The following MECOM variants were observed in gnomAD, a reference collection of about 807,000 sequenced individuals.
MECOM encodes histone-lysine N-methyltransferase MECOM.
A neutral mutation model predicts 116.3 loss-of-function variants in MECOM; 13 were observed. The ratio of observed to expected loss-of-function variants is 0.11; its 90% CI spans 0.07 to 0.18. The LOEUF is 0.18. Among genes scored for constraint, MECOM ranks in the 10% least tolerant of loss-of-function variants. The pLI, the probability that MECOM is intolerant of heterozygous loss-of-function variation, is 1.00. For synonymous variants in MECOM, 528 were observed against 535.2 expected, an observed-to-expected ratio of 0.99 and a Z score of 0.19; for missense variants, 1,299 against 1,509.0, an observed-to-expected ratio of 0.86 and a Z score of 2.31.
chr3:169,146,612 T>A, intron 2 of MECOM: 1 of 1,370,152 alleles, frequency 7.3e-7, no homozygotes, highest in Non-Finnish European at 9.7e-7. Flanking sequence ...GAAAGAAGGC[T>A]GGGGGCGGGG....
intron 2 of MECOM, among the ~76,000 whole-genome samples, chr3:169,200,092 T>C (rs1350742876): frequency 6.6e-6 from 1 of 152,084 alleles, no homozygotes; most frequent in Non-Finnish European, 1.5e-5. Context: ...GGACAATGAA[T>C]GTCCTTCCTC....
chr3:169,360,243 C>T (rs1320318778), intron 2 of MECOM, among the ~76,000 whole-genome samples: 2 of 142,798 alleles, frequency 1.4e-5, no homozygotes, highest in South Asian at 2.2e-4. Context: ...CTGGCACTCC[C>T]TAGTGAGATG....
At chr3:169,276,757 A>C (rs1759636835) in intron 2 of MECOM, among the ~76,000 whole-genome samples, 1 of 152,188 alleles carries the variant, frequency 6.6e-6, no homozygotes, top group Admixed American at 6.5e-5. Flanking sequence ...AGCATTGTTT[A>C]TAGAAACAAA....
chr3:169,561,192 GC>G (rs1472489237), intron 1 of MECOM, among the ~76,000 whole-genome samples: 3 of 151,906 alleles, frequency 2.0e-5, no homozygotes, highest in Non-Finnish European at 2.9e-5. Flanking sequence ...GAATATTGGA[GC>G]TTTCATACAC....
At position 169,576,796 on chromosome 3, in the gene MECOM, TACACACACAC is replaced by T. The variant is rs373881811; in HGVS notation, c.37+86530_37+86539del. ...TTTTCCAGGATTTCACTTCCTGTTT[TACACACACAC>T]ACACACACACACACACACACACACA... is the stretch of plus-strand genomic sequence containing the variant. On this transcript the variant is annotated intron_variant, in intron 1 of 16. Coordinates refer to ENST00000651503, the MANE Select transcript of MECOM (RefSeq NM_004991.4). Among the ~76,000 whole-genome samples, 614 of 136,578 alleles carry T rather than the reference TACACACACAC, an allele frequency of 4.5e-3. 7 individuals are homozygous for T. The highest frequency in any genetic ancestry group is 0.015 in the African/African-American group (556 of 36,398). 89.6% of individuals were successfully genotyped at this position (136,578 alleles called of 152,430 possible).
Position 169,463,563 on chromosome 3 carries a change from T to A in MECOM, c.38-82039A>T, listed in dbSNP as rs60177101. Among the ~76,000 whole-genome samples the A allele has an allele frequency of 5.9e-5, 9 of 152,266 alleles. No homozygotes were observed. In the East Asian group the frequency reaches 1.7e-3, roughly 29 times the overall value. ...TCAATCAGTATGAATGGGAACAGAA[T>A]AAAAATAAGAAAATTATTATATTTT... is the stretch of plus-strand genomic sequence containing the variant. On this transcript the variant is annotated intron_variant, in intron 1 of 16. Transcript: ENST00000651503.
At chr3:169,172,422 T>C (rs1424571989) in intron 2 of MECOM, among the ~76,000 whole-genome samples, 1 of 151,404 alleles carries the variant, frequency 6.6e-6, no homozygotes, top group East Asian at 1.9e-4. Context: ...TGTGTGTGTG[T>C]GTGTGTGTGT....
intron 1 of MECOM, among the ~76,000 whole-genome samples, chr3:169,652,799 C>G (rs1775078274): frequency 6.6e-6 from 1 of 152,178 alleles, no homozygotes. Context: ...ACACCATGCT[C>G]TATATTAATA....
chr3:169,474,557 G>C (rs543833443), intron 1 of MECOM, among the ~76,000 whole-genome samples: 1 of 152,008 alleles, frequency 6.6e-6, no homozygotes, highest in Admixed American at 6.6e-5. Flanking sequence ...TTTATGATTA[G>C]ATATAAAGTA....
chr3:169,428,534 T>C (rs919801902), intron 1 of MECOM, among the ~76,000 whole-genome samples: 4 of 152,200 alleles, frequency 2.6e-5, no homozygotes, highest in African/African-American at 9.6e-5. Flanking sequence ...TAACAGGCCG[T>C]GGACCGGTAC....
intron 1 of MECOM, chr3:169,477,103 G>GTATA (rs1235414327): frequency 4.8e-4 from 27 of 56,216 alleles, no homozygotes; most frequent in African/African-American, 1.8e-3. Context: ...GTGTGTGTGT[G>GTATA]TGTATATATA....
At chr3:169,331,370 T>TA (rs1722681865) in intron 2 of MECOM, among the ~76,000 whole-genome samples, 2 of 152,090 alleles carry the variant, frequency 1.3e-5, no homozygotes, top group African/African-American at 4.8e-5. Flanking sequence ...ACCTACCTAA[T>TA]ACAGTGGTTT....
At chr3:169,583,125 T>A (rs947359086) in intron 1 of MECOM, among the ~76,000 whole-genome samples, 1 of 152,152 alleles carries the variant, frequency 6.6e-6, no homozygotes, top group Non-Finnish European at 1.5e-5. Flanking sequence ...GTTTCTTCAA[T>A]CACAAAATGA....
chr3:169,318,542 G>A (rs1720194762), intron 2 of MECOM, among the ~76,000 whole-genome samples: 1 of 152,178 alleles, frequency 6.6e-6, no homozygotes, highest in South Asian at 2.1e-4. Flanking sequence ...GGTCATTAGG[G>A]AAATGTAAAT....
intron 1 of MECOM, among the ~76,000 whole-genome samples, chr3:169,606,020 C>T (rs966916294): frequency 6.6e-6 from 1 of 152,078 alleles, no homozygotes; most frequent in Non-Finnish European, 1.5e-5. Context: ...CTGGTAGGAC[C>T]AGTTTAGGAG....
chr3:169,464,691 G>A (rs1019617070), intron 1 of MECOM, among the ~76,000 whole-genome samples: 2 of 151,846 alleles, frequency 1.3e-5, no homozygotes, highest in South Asian at 4.2e-4. Context: ...CCCTTTAAAC[G>A]GTATTTTTCT....
intron 2 of MECOM, among the ~76,000 whole-genome samples, chr3:169,313,252 T>C (rs972253120): frequency 6.6e-5 from 10 of 152,254 alleles, no homozygotes; most frequent in South Asian, 6.2e-4. Flanking sequence ...AAAGAGAATC[T>C]CTTTGATGAT....
At chr3:169,089,417 T>C (rs1193827976) in intron 15 of MECOM, among the ~76,000 whole-genome samples, 1 of 152,062 alleles carries the variant, frequency 6.6e-6, no homozygotes, top group Non-Finnish European at 1.5e-5. Context: ...AGATAAAGAG[T>C]TAAAGTCAGT....
intron 1 of MECOM, among the ~76,000 whole-genome samples, chr3:169,589,446 A>C (rs1766146733): frequency 6.6e-6 from 1 of 152,172 alleles, no homozygotes; most frequent in Non-Finnish European, 1.5e-5. Context: ...ACCATGTTAG[A>C]GTAGATTCTA....
Sources: gnomAD v4.1 joint callset for allele counts (sites outside exome capture counted in the v4.1 genomes callset) on GRCh38, gnomAD v4.1.1 for gene constraint, MANE v1.5 for transcripts, NCBI Gene and HGNC (gene_info 2026-07-23, HGNC 2026-07-21) for gene names.